The following CMIP variants were observed in gnomAD, a reference collection of about 807,000 sequenced individuals.
CMIP encodes c-Maf inducing protein, also known as C-Maf-inducing protein.
Under a neutral mutation model 97.3 loss-of-function variants are expected in CMIP, and 13 were observed. The ratio of observed to expected loss-of-function variants is 0.13; its 90% CI spans 0.09 to 0.21. CMIP has a LOEUF of 0.21. CMIP is among the 10% of genes least tolerant of loss of function. The pLI, the probability that CMIP is intolerant of heterozygous loss-of-function variation, is 1.00. For synonymous variants in CMIP, 538 were observed against 436.3 expected, an observed-to-expected ratio of 1.23 and a Z score of -2.91; for missense variants, 847 against 1,024.9, an observed-to-expected ratio of 0.83 and a Z score of 2.37.
intron 3 of CMIP, chr16:81,630,830 A>C (rs1229961263): frequency 2.6e-5 from 4 of 152,236 alleles, no homozygotes; most frequent in Non-Finnish European, 5.9e-5. Context: ...CTGTGAAAGG[A>C]GGGGCTTTCC....
At chr16:81,480,943 C>A (rs973913244) in intron 1 of CMIP, among the ~76,000 whole-genome samples, 1 of 152,138 alleles carries the variant, frequency 6.6e-6, no homozygotes, top group Non-Finnish European at 1.5e-5. Flanking sequence ...AAAGTTGAGG[C>A]TGAATGCAGT....
At chr16:81,691,409 G>A (rs940994536) in intron 10 of CMIP, among the ~76,000 whole-genome samples, 3 of 152,140 alleles carry the variant, frequency 2.0e-5, no homozygotes, top group Non-Finnish European at 2.9e-5. Context: ...AAGTACTGGG[G>A]TGCAGAGCTT....
At chr16:81,688,202 G>A (rs1477789076) in intron 10 of CMIP, among the ~76,000 whole-genome samples, 2 of 152,190 alleles carry the variant, frequency 1.3e-5, no homozygotes, top group Admixed American at 6.5e-5. Context: ...TTCCTAGGCT[G>A]TGTAGATGAC....
chr16:81,512,295 T>C (rs2089828329), intron 1 of CMIP, among the ~76,000 whole-genome samples: 1 of 151,964 alleles, frequency 6.6e-6, no homozygotes, highest in Non-Finnish European at 1.5e-5. Context: ...CCTCATGCCT[T>C]GGTGGGGGTC....
chr16:81,492,615 C>A (rs1007447152), intron 1 of CMIP, among the ~76,000 whole-genome samples: 1 of 152,052 alleles, frequency 6.6e-6, no homozygotes, highest in Non-Finnish European at 1.5e-5. Context: ...GCTATGCAGG[C>A]CCTCGAGAGG....
At chr16:81,660,853 C>T (rs377657780) in intron 5 of CMIP, 31 bp from the exon 6 acceptor site, 21 of 1,613,512 alleles carry the variant, frequency 1.3e-5, no homozygotes, top group South Asian at 3.3e-5. Flanking sequence ...ATCTACCCCA[C>T]GGTTCCTGAT....
chr16:81,477,782 C>T (rs1908017613), intron 1 of CMIP, among the ~76,000 whole-genome samples: 1 of 152,220 alleles, frequency 6.6e-6, no homozygotes, highest in African/African-American at 2.4e-5. Context: ...CCGTTCTTAG[C>T]ACCATGGGCC....
At chr16:81,633,243 C>T (rs1046070932) in intron 3 of CMIP, among the ~76,000 whole-genome samples, 2 of 152,220 alleles carry the variant, frequency 1.3e-5, no homozygotes, top group African/African-American at 4.8e-5. Flanking sequence ...GTCTCTTTCA[C>T]AGCCAGTGGT....
intron 1 of CMIP, among the ~76,000 whole-genome samples, chr16:81,541,077 A>G (rs1484572829): frequency 6.6e-6 from 1 of 151,906 alleles, no homozygotes. Context: ...AATAAACACA[A>G]TTCAATTATG....
chr16:81,653,536 A>G (rs773553245), intron 4 of CMIP, among the ~76,000 whole-genome samples: 3 of 152,206 alleles, frequency 2.0e-5, no homozygotes, highest in Non-Finnish European at 4.4e-5. Context: ...TGGGAAATGA[A>G]TCACAGAGTG....
Position 81,711,156 on chromosome 16 carries a change from A to G in CMIP, c.*1357A>G. Reference sequence around the variant, plus strand: ...TTAATAAGCCCTCACTGTACAGAACAGCCCGTTGATGGTTTATTTGGGGTC... The same window carrying G: ...TTAATAAGCCCTCACTGTACAGAACGGCCCGTTGATGGTTTATTTGGGGTC... On this transcript the variant is annotated 3_prime_UTR_variant, in exon 21 of 21. Transcript: ENST00000537098. The G allele has an allele frequency of 6.6e-6, 1 of 152,490 alleles. No individual in the cohort carries two copies. Among genetic ancestry groups the G allele is most frequent in the Non-Finnish European group, 1.5e-5 (1 of 68,048 alleles). The allele number at this position is 152,490 out of a possible 1,614,324, so 9.4% of individuals were successfully genotyped here. A position where few individuals can be genotyped will look rare whatever the true frequency, so the allele number is the denominator to read the frequency against.
chr16:81,538,509 G>A (rs767701785), intron 1 of CMIP, among the ~76,000 whole-genome samples: 3 of 152,148 alleles, frequency 2.0e-5, no homozygotes, highest in Non-Finnish European at 2.9e-5. Flanking sequence ...TTCTTACTTC[G>A]CGAGCTGAGT....
chr16:81,596,555 A>C (rs980038446), intron 1 of CMIP, among the ~76,000 whole-genome samples: 1 of 152,084 alleles, frequency 6.6e-6, no homozygotes, highest in Non-Finnish European at 1.5e-5. Context: ...CATACACACA[A>C]AAGAGTACAC....
chr16:81,555,331 C>A (rs548178475), intron 1 of CMIP, among the ~76,000 whole-genome samples: 299 of 152,290 alleles, frequency 2.0e-3, no homozygotes, highest in South Asian at 3.3e-3. Flanking sequence ...AAGAACCCCC[C>A]CTAGACTGTG....
At chr16:81,584,454 A>G (rs59305400) in intron 1 of CMIP, among the ~76,000 whole-genome samples, 10,189 of 152,240 alleles carry the variant, frequency 0.067, 779 homozygotes, top group African/African-American at 0.19. Flanking sequence ...CCATGTTTGT[A>G]TATGTGTTTT....
intron 3 of CMIP, among the ~76,000 whole-genome samples, chr16:81,634,600 G>C (rs1211671013): frequency 2.6e-5 from 4 of 152,208 alleles, no homozygotes; most frequent in Non-Finnish European, 5.9e-5. Flanking sequence ...TGCCGCACGA[G>C]TGTCTGAGGA....
chr16:81,656,871 C>T (rs757076510), intron 4 of CMIP, among the ~76,000 whole-genome samples: 3 of 152,154 alleles, frequency 2.0e-5, no homozygotes, highest in Admixed American at 6.5e-5. Context: ...ATCCACACTC[C>T]TCAGCCTCCC....
chr16:81,693,267 C>G, intron 12 of CMIP, 83 bp downstream of exon 12: 2 of 1,432,490 alleles, frequency 1.4e-6, no homozygotes, highest in Non-Finnish European at 1.9e-6. Context: ...CCCATGCATT[C>G]TGGGAGGCAG....
At chr16:81,531,342 G>A (rs543156978) in intron 1 of CMIP, among the ~76,000 whole-genome samples, 8 of 152,240 alleles carry the variant, frequency 5.3e-5, no homozygotes, top group Non-Finnish European at 7.4e-5. Flanking sequence ...CAGAGCCTCC[G>A]GAGGAAATCA....
Sources: allele counts gnomAD v4.1 joint callset (sites outside exome capture counted in the v4.1 genomes callset), GRCh38; gene constraint gnomAD v4.1.1; transcripts MANE v1.5; gene names NCBI Gene and HGNC (gene_info 2026-07-23, HGNC 2026-07-21).